The following SUPT3H variants were observed in gnomAD, a reference collection of about 807,000 sequenced individuals.
SUPT3H encodes the protein SPT3 homolog, SAGA and STAGA complex component.
A neutral mutation model predicts 44.3 loss-of-function variants in SUPT3H; 44 were observed. That is an observed-to-expected ratio of 0.99 (90% CI 0.78 to 1.28). The LOEUF is 1.28. SUPT3H is among the 50% of genes most tolerant of loss of function. The pLI is 0.00. For synonymous variants in SUPT3H, 124 were observed against 125.6 expected (o/e 0.99, Z 0.09); for missense variants, 380 against 387.1 (o/e 0.98, Z 0.15).
intron 10 of SUPT3H, among the ~76,000 whole-genome samples, chr6:44,907,720 C>T (rs1046049500): frequency 4.6e-5 from 7 of 152,038 alleles, no homozygotes; most frequent in African/African-American, 9.7e-5. Context: ...AATTTGTATG[C>T]GGTTGTTACA....
rs1056419191 is a variant in SUPT3H, at chr6:45,316,184, G to A, written c.101+49017C>T. On this transcript the variant is annotated intron_variant, in intron 2 of 10. Transcript: ENST00000371459. Reference sequence around the variant, plus strand: ...TTTGGAGACTTGGGGAGAAGAGTGGGAGTGAAGTGGGGGATAAAAGACAAC... The same window carrying A: ...TTTGGAGACTTGGGGAGAAGAGTGGAAGTGAAGTGGGGGATAAAAGACAAC... 1.2e-4 allele frequency among the ~76,000 whole-genome samples: 19 copies of A among 152,114 alleles called. 1 individual carries two copies. The highest frequency in any genetic ancestry group is 2.9e-5 in the Non-Finnish European group (2 of 68,010).
intron 10 of SUPT3H, among the ~76,000 whole-genome samples, chr6:44,883,855 T>G (rs1778674539): frequency 6.6e-6 from 1 of 152,150 alleles, no homozygotes; most frequent in African/African-American, 2.4e-5. Flanking sequence ...CCTTACACCT[T>G]ATACAAAAAT....
At chr6:45,122,758 A>G (rs1019119584) in intron 2 of SUPT3H, among the ~76,000 whole-genome samples, 1 of 152,178 alleles carries the variant, frequency 6.6e-6, no homozygotes, top group Non-Finnish European at 1.5e-5. Flanking sequence ...AACGAGAGGC[A>G]CTTCATGTCT....
intron 3 of SUPT3H, among the ~76,000 whole-genome samples, chr6:45,029,398 A>ATG (rs1491417474): frequency 2.0e-5 from 3 of 150,608 alleles, no homozygotes; most frequent in Non-Finnish European, 4.4e-5. Flanking sequence ...CATATATTGC[A>ATG]TGTGTATATA....
At chr6:44,866,876 G>T (rs1467039528) in intron 10 of SUPT3H, among the ~76,000 whole-genome samples, 1 of 152,154 alleles carries the variant, frequency 6.6e-6, no homozygotes, top group Non-Finnish European at 1.5e-5. Flanking sequence ...TCATTACCAA[G>T]GGTTGCGCTT....
chr6:45,117,368 A>C (rs1194097688), intron 2 of SUPT3H, among the ~76,000 whole-genome samples: 3 of 152,042 alleles, frequency 2.0e-5, no homozygotes, highest in Non-Finnish European at 4.4e-5. Context: ...TTAAATTTTT[A>C]CTCTAAAACT....
At chr6:45,268,475 G>A (rs1322808473) in intron 2 of SUPT3H, among the ~76,000 whole-genome samples, 4 of 152,130 alleles carry the variant, frequency 2.6e-5, no homozygotes, top group East Asian at 1.9e-4. Flanking sequence ...TGAACGATTC[G>A]GATAAATTGG....
At chr6:45,158,284 ATATATATATATATATTTTTTTTT>A (rs1808245743) in intron 2 of SUPT3H, among the ~76,000 whole-genome samples, 1 of 38,294 alleles carries the variant, frequency 2.6e-5, no homozygotes, top group Non-Finnish European at 5.6e-5. Flanking sequence ...ACATATATAT[ATATATATATATATATTTTTTTTT>A]TTTTTTTTTT....
chr6:45,063,340 A>C (rs1409667029), intron 3 of SUPT3H, among the ~76,000 whole-genome samples: 3 of 151,266 alleles, frequency 2.0e-5, no homozygotes, highest in Non-Finnish European at 4.4e-5. Flanking sequence ...CCAAAAGTAC[A>C]TAAAACCACA....
chr6:45,229,426 G>A (rs537112773), intron 2 of SUPT3H, among the ~76,000 whole-genome samples: 1 of 152,086 alleles, frequency 6.6e-6, no homozygotes, highest in Admixed American at 6.5e-5. Flanking sequence ...ATAGGAGTAT[G>A]AGCCATGTAT....
At chr6:45,251,434 G>C (rs961854356) in intron 2 of SUPT3H, among the ~76,000 whole-genome samples, 3 of 142,626 alleles carry the variant, frequency 2.1e-5, no homozygotes, top group Admixed American at 7.2e-5. Context: ...CACACACACA[G>C]TGTTCGATGC....
At chr6:45,255,616 TCTCA>T (rs1349990770) in intron 2 of SUPT3H, among the ~76,000 whole-genome samples, 7 of 151,514 alleles carry the variant, frequency 4.6e-5, no homozygotes, top group African/African-American at 1.2e-4. Context: ...AGAAATGGGG[TCTCA>T]CTATGTTGCC....
chr6:45,098,692 C>T, intron 3 of SUPT3H: 1 of 377,282 alleles, frequency 2.7e-6, no homozygotes, highest in South Asian at 2.1e-5. Context: ...CATCAGAGGA[C>T]AAGGTTATCC....
At chr6:44,905,917 C>G (rs138521925) in intron 10 of SUPT3H, among the ~76,000 whole-genome samples, 1 of 151,956 alleles carries the variant, frequency 6.6e-6, no homozygotes, top group Non-Finnish European at 1.5e-5. Flanking sequence ...AGCAAACTAT[C>G]GCAAGGACAA....
chr6:45,126,880 C>T (rs997473649), intron 2 of SUPT3H, among the ~76,000 whole-genome samples: 5 of 151,766 alleles, frequency 3.3e-5, no homozygotes, highest in African/African-American at 4.8e-5. Flanking sequence ...AGAGACGATG[C>T]GAGGAGAAAA....
intron 6 of SUPT3H, among the ~76,000 whole-genome samples, chr6:44,974,808 C>A (rs1297379708): frequency 6.6e-6 from 1 of 152,152 alleles, no homozygotes; most frequent in Non-Finnish European, 1.5e-5. Context: ...TACAATAAGA[C>A]CTCTCTTCAC....
chr6:45,117,725 AAATT>A (rs1179182136), intron 2 of SUPT3H, among the ~76,000 whole-genome samples: 1 of 152,128 alleles, frequency 6.6e-6, no homozygotes, highest in Non-Finnish European at 1.5e-5. Flanking sequence ...TGCAACTTGA[AAATT>A]AATTGTGTAA....
chr6:45,001,256 C>G lies in SUPT3H; in HGVS notation c.504+2397G>C, dbSNP rs150893965. ...TTTCCCTGCTCTTCTTTCTCAGTCC[C>G]TCAAATACACTAAAGCAACTCTGAG... is the stretch of plus-strand genomic sequence containing the variant. On this transcript the variant is annotated intron_variant, in intron 6 of 10. Transcript: ENST00000371459. Among the ~76,000 whole-genome samples, 70 of 152,056 alleles carry G rather than the reference C, an allele frequency of 4.6e-4. No individual in the cohort carries two copies. In the East Asian group the frequency reaches 0.012, roughly 26 times the overall value.
chr6:45,017,921 G>A (rs996210644), intron 4 of SUPT3H, among the ~76,000 whole-genome samples: 12 of 148,164 alleles, frequency 8.1e-5, no homozygotes, highest in Non-Finnish European at 1.2e-4. Context: ...CATTGAATCT[G>A]TAAATTACCT....
Sources: gnomAD v4.1 joint callset for allele counts (sites outside exome capture counted in the v4.1 genomes callset) on GRCh38, gnomAD v4.1.1 for gene constraint, MANE v1.5 for transcripts, NCBI Gene and HGNC (gene_info 2026-07-23, HGNC 2026-07-21) for gene names.